PIWIL2: variants seen among roughly 807,000 people sequenced by gnomAD.
PIWIL2 encodes the protein piwi like RNA-mediated gene silencing 2, also known as piwi-like protein 2.
In PIWIL2, 81 loss-of-function variants were observed where a neutral mutation model predicts 116.5. The ratio of observed to expected loss-of-function variants is 0.70; its 90% CI spans 0.58 to 0.84. PIWIL2 has a LOEUF of 0.84. Among genes scored for constraint, PIWIL2 ranks in the 40% least tolerant of loss-of-function variants. The pLI, the probability that PIWIL2 is intolerant of heterozygous loss-of-function variation, is 0.00. For missense variants in PIWIL2, 1,272 were observed against 1,212.3 expected (o/e 1.05, Z -0.73); for synonymous variants, 489 against 429.5 (o/e 1.14, Z -1.71).
At chr8:22,350,155 C>A (rs1277279759) in intron 20 of PIWIL2, among the ~76,000 whole-genome samples, 1 of 152,158 alleles carries the variant, frequency 6.6e-6, no homozygotes, top group Non-Finnish European at 1.5e-5. Flanking sequence ...GTCAGTAGAG[C>A]TGACAGGTTG....
intron 21 of PIWIL2, 90 bp from the exon 22 acceptor site, chr8:22,354,181 G>A: frequency 3.6e-6 from 3 of 843,176 alleles, no homozygotes; most frequent in Non-Finnish European, 6.1e-6. Context: ...CTGAGCTTTA[G>A]TTGAAGGAGC....
At chr8:22,290,659 T>G (rs1563357650) in intron 10 of PIWIL2, among the ~76,000 whole-genome samples, 1 of 149,768 alleles carries the variant, frequency 6.7e-6, no homozygotes. Flanking sequence ...TTGCTATGTT[T>G]CCCAGCCTGC....
At chr8:22,346,794 C>T (rs753902694) in intron 20 of PIWIL2, among the ~76,000 whole-genome samples, 92 of 152,124 alleles carry the variant, frequency 6.0e-4, no homozygotes, top group African/African-American at 8.2e-4. Flanking sequence ...TGCCTGTAGG[C>T]GCAGCTACTC....
intron 20 of PIWIL2, among the ~76,000 whole-genome samples, chr8:22,346,947 G>A (rs968894843): frequency 5.3e-5 from 8 of 152,084 alleles, no homozygotes; most frequent in African/African-American, 1.9e-4. Context: ...GACGAGGTAG[G>A]AGGAGCACTT....
chr8:22,347,162 G>A (rs1437978859), intron 20 of PIWIL2, among the ~76,000 whole-genome samples: 7 of 133,730 alleles, frequency 5.2e-5, no homozygotes, highest in South Asian at 2.3e-4. Context: ...AGAGCAAGAC[G>A]TTGTCTCAAA....
At chr8:22,293,841 T>C (rs141349696) in intron 10 of PIWIL2, among the ~76,000 whole-genome samples, 207 of 152,350 alleles carry the variant, frequency 1.4e-3, no homozygotes, top group Non-Finnish European at 2.6e-3. Flanking sequence ...ACTGTACTTT[T>C]TTTGGTTTTT....
intron 10 of PIWIL2, among the ~76,000 whole-genome samples, chr8:22,295,730 C>T (rs899163446): frequency 2.0e-5 from 3 of 152,154 alleles, no homozygotes; most frequent in African/African-American, 7.2e-5. Flanking sequence ...CACAGAAGAG[C>T]ATTTATTTTC....
intron 10 of PIWIL2, among the ~76,000 whole-genome samples, chr8:22,302,484 T>G (rs1279586537): frequency 2.0e-5 from 3 of 152,144 alleles, no homozygotes; most frequent in Non-Finnish European, 4.4e-5. Flanking sequence ...CAGCCTATTT[T>G]TCTGATTTCT....
At position 22,297,051 on chromosome 8, in the gene PIWIL2, C is replaced by T. The variant is rs1830924303; in HGVS notation, c.1181+6705C>T. 3.3e-5 allele frequency among the ~76,000 whole-genome samples: 5 copies of T among 151,814 alleles called. No homozygotes were observed. The South Asian group carries it at 8.3e-4, about 25-fold the overall frequency. ...TTACCCCAGTTGGAGTACAGTGGCACGATCACAACTCACTGCAGCCTCAAA... is the reference window on the plus strand; with the variant it reads ...TTACCCCAGTTGGAGTACAGTGGCATGATCACAACTCACTGCAGCCTCAAA... On this transcript the variant is annotated intron_variant, in intron 10 of 22. Transcript: ENST00000356766.
intron 20 of PIWIL2, among the ~76,000 whole-genome samples, chr8:22,326,395 G>C (rs968595234): frequency 5.3e-5 from 8 of 152,088 alleles, no homozygotes; most frequent in African/African-American, 1.9e-4. Context: ...GGTGGTACAT[G>C]CCTGTAGTCC....
At position 22,349,644 on chromosome 8, in the gene PIWIL2, T is replaced by C. The variant is rs7840872; in HGVS notation, c.2404-3315T>C. Among the ~76,000 whole-genome samples the C allele has an allele frequency of 2.7e-3, 405 of 152,212 alleles. 1 individual carries two copies. The highest frequency in any genetic ancestry group is 9.3e-3 in the African/African-American group (388 of 41,540). ...GTCAAATGAGGGTTTCTTCCAGATCTGAGGTCCTGGGTCACCTGCCTTTTA... is the reference window on the plus strand; with the variant it reads ...GTCAAATGAGGGTTTCTTCCAGATCCGAGGTCCTGGGTCACCTGCCTTTTA... On this transcript the variant is annotated intron_variant, in intron 20 of 22. Coordinates refer to ENST00000356766, the MANE Select transcript of PIWIL2 (RefSeq NM_018068.5).
intron 8 of PIWIL2, 86 bp from the exon 9 acceptor site, chr8:22,289,761 C>A: frequency 1.2e-6 from 1 of 805,156 alleles, no homozygotes; most frequent in Admixed American, 2.1e-5. Flanking sequence ...ACCGTTCAGA[C>A]TTCCAAAGGC....
intron 10 of PIWIL2, among the ~76,000 whole-genome samples, chr8:22,299,015 G>C (rs760439541): frequency 6.6e-6 from 1 of 152,074 alleles, no homozygotes; most frequent in Non-Finnish European, 1.5e-5. Context: ...CATTCTTATG[G>C]CTACTTATTA....
At chr8:22,343,873 A>G (rs1464760829) in intron 20 of PIWIL2, among the ~76,000 whole-genome samples, 1 of 152,176 alleles carries the variant, frequency 6.6e-6, no homozygotes, top group East Asian at 1.9e-4. Context: ...CATACCAACA[A>G]TCACGCTCCT....
intron 20 of PIWIL2, among the ~76,000 whole-genome samples, chr8:22,343,308 CCTGTAAT>C (rs1832151550): frequency 6.6e-6 from 1 of 152,108 alleles, no homozygotes; most frequent in Non-Finnish European, 1.5e-5. Context: ...GTGGCGCATG[CCTGTAAT>C]CGCAGCTACT....
intron 19 of PIWIL2, among the ~76,000 whole-genome samples, chr8:22,316,881 T>G (rs1831472945): frequency 6.6e-6 from 1 of 151,728 alleles, no homozygotes; most frequent in Admixed American, 6.6e-5. Context: ...TCAACCTCCC[T>G]GGGTTTTGGT....
intron 1 of PIWIL2, among the ~76,000 whole-genome samples, 197 bp from the exon 2 acceptor site, chr8:22,279,144 G>C (rs1830443037): frequency 6.6e-6 from 1 of 152,132 alleles, no homozygotes; most frequent in African/African-American, 2.4e-5. Flanking sequence ...AAAGGTTGGG[G>C]ACCACTGCTC....
rs1223563171 is a variant in PIWIL2, at chr8:22,283,210, C to G, written c.602C>G (p.Pro201Arg). ...PQSPLHSPDRPLVLTVEHKEK... is the reference protein window; with the variant it reads ...PQSPLHSPDRRLVLTVEHKEK... ...TCTCCCCTGCACTCTCCAGATCGCC[C>G]TCTGGTCCTGACTGTGGAACACAAG... The change falls in exon 5 of 23, where the codon CCT becomes CGT. Residue 201 changes from proline to arginine, a missense_variant. Physicochemically the swap from Pro to Arg is moderately radical, Grantham distance 103. Transcript: ENST00000356766. The G allele has an allele frequency of 2.5e-6, 4 of 1,614,032 alleles. No individual in the cohort carries two copies. The highest frequency in any genetic ancestry group is 1.7e-5 in the Admixed American group (1 of 60,024).
intron 14 of PIWIL2, 45 bp from the exon 15 acceptor site, chr8:22,309,916 G>C (rs1473495848): frequency 8.8e-7 from 1 of 1,131,844 alleles, no homozygotes; most frequent in Non-Finnish European, 1.3e-6. Context: ...TTTCTAAATA[G>C]CGTTTGAAAA....
Sources: allele counts gnomAD v4.1 joint callset (sites outside exome capture counted in the v4.1 genomes callset), GRCh38; gene constraint gnomAD v4.1.1; transcripts MANE v1.5; gene names NCBI Gene and HGNC (gene_info 2026-07-23, HGNC 2026-07-21).